PIP4K2A: variants seen among roughly 807,000 people sequenced by gnomAD.
PIP4K2A encodes the protein phosphatidylinositol 5-phosphate 4-kinase type-2 alpha.
Under a neutral mutation model 42.9 loss-of-function variants are expected in PIP4K2A, and 14 were observed. The observed-to-expected ratio is 0.33, with a 90% CI of 0.22 to 0.51. The LOEUF (loss-of-function observed/expected upper bound fraction) is 0.51, where lower values mean the gene tolerates loss of function less well. Among genes scored for constraint, PIP4K2A ranks in the 20% least tolerant of loss-of-function variants. The pLI, the probability that PIP4K2A is intolerant of heterozygous loss-of-function variation, is 0.97. For missense variants in PIP4K2A, 434 were observed against 519.8 expected, an observed-to-expected ratio of 0.83 and a Z score of 1.61; for synonymous variants, 192 against 192.2, an observed-to-expected ratio of 1.00 and a Z score of 0.01.
chr10:22,622,959 G>C (rs1228844344), intron 1 of PIP4K2A, among the ~76,000 whole-genome samples: 1 of 152,184 alleles, frequency 6.6e-6, no homozygotes, highest in Non-Finnish European at 1.5e-5. Flanking sequence ...TGGTGTGAGA[G>C]AGCCAGCATC....
intron 1 of PIP4K2A, among the ~76,000 whole-genome samples, chr10:22,701,116 C>T (rs1459962306): frequency 6.6e-6 from 1 of 152,208 alleles, no homozygotes; most frequent in Non-Finnish European, 1.5e-5. Context: ...CACTAACTCT[C>T]CCAGGGCAGT....
intron 5 of PIP4K2A, among the ~76,000 whole-genome samples, chr10:22,572,344 G>C (rs555840823): frequency 6.6e-6 from 1 of 152,304 alleles, no homozygotes; most frequent in South Asian, 2.1e-4. Flanking sequence ...AGCCAGCCGC[G>C]GTGGTTCATG....
chr10:22,539,886 GGAGA>G (rs982297619), intron 9 of PIP4K2A, 81 bp downstream of exon 9: 19 of 699,280 alleles, frequency 2.7e-5, no homozygotes, highest in Admixed American at 6.4e-5. Context: ...AGAGGAGCCA[GGAGA>G]GAGAGAGAGA....
In PIP4K2A at chr10:22,535,149, TAC is replaced by T. The variant is rs1293053725; in HGVS notation, c.*2050_*2051del. 2 of 152,372 alleles carry T rather than the reference TAC, an allele frequency of 1.3e-5. No individual in the cohort carries two copies. Among genetic ancestry groups the T allele is most frequent in the Admixed American group, 1.3e-4 (2 of 15,312 alleles). 9.4% of individuals were successfully genotyped at this position (152,372 alleles called of 1,614,324 possible). A position where few individuals can be genotyped will look rare whatever the true frequency, so the allele number is the denominator to read the frequency against. On this transcript the variant is annotated 3_prime_UTR_variant, in exon 10 of 10. Coordinates refer to ENST00000376573, the MANE Select transcript of PIP4K2A (RefSeq NM_005028.5). ...AGCATTCTGTAAACTTCTAAAAGCA[TAC>T]ACAGATTGGCCCCCAAGGAAACAGT... is the stretch of plus-strand genomic sequence containing the variant.
chr10:22,632,248 C>T lies in PIP4K2A; in HGVS notation c.145-22531G>A, dbSNP rs955912319. ...TGTAAATAAGAGCTTTCTATTATTACGCAGTCATCTTGTATCAGTGTTAGT... is the reference window on the plus strand; with the variant it reads ...TGTAAATAAGAGCTTTCTATTATTATGCAGTCATCTTGTATCAGTGTTAGT... On this transcript the variant is annotated intron_variant, in intron 1 of 9. Transcript: ENST00000376573. 9.2e-5 allele frequency among the ~76,000 whole-genome samples: 14 copies of T among 152,182 alleles called. No homozygotes were observed. The East Asian group carries it at 9.7e-4, about 10-fold the overall frequency.
intron 5 of PIP4K2A, among the ~76,000 whole-genome samples, chr10:22,571,891 G>C (rs891090496): frequency 6.6e-6 from 1 of 152,116 alleles, no homozygotes; most frequent in Non-Finnish European, 1.5e-5. Flanking sequence ...AAGACATTAC[G>C]GAGATTTGCA....
At chr10:22,698,709 A>T (rs1243536619) in intron 1 of PIP4K2A, among the ~76,000 whole-genome samples, 1 of 152,240 alleles carries the variant, frequency 6.6e-6, no homozygotes, top group Non-Finnish European at 1.5e-5. Flanking sequence ...AAGAATACAT[A>T]GTAAGATTAA....
chr10:22,694,641 C>T (rs1839935076), intron 1 of PIP4K2A: 1 of 152,158 alleles, frequency 6.6e-6, no homozygotes, highest in Non-Finnish European at 1.5e-5. Context: ...AATGACCTTA[C>T]TTAATCAGTC....
chr10:22,623,549 A>G (rs1300412985), intron 1 of PIP4K2A, among the ~76,000 whole-genome samples: 1 of 150,860 alleles, frequency 6.6e-6, no homozygotes, highest in East Asian at 1.9e-4. Context: ...TGTGAGCGTC[A>G]TGAGCTGTAT....
At chr10:22,580,228 G>T (rs72816821) in intron 4 of PIP4K2A, among the ~76,000 whole-genome samples, 1,924 of 152,086 alleles carry the variant, frequency 0.013, 36 homozygotes, top group Middle Eastern at 0.065. Context: ...TAGTGTAAAC[G>T]TAAAACACCA....
At chr10:22,676,740 G>A (rs1454623370) in intron 1 of PIP4K2A, among the ~76,000 whole-genome samples, 1 of 152,174 alleles carries the variant, frequency 6.6e-6, no homozygotes, top group African/African-American at 2.4e-5. Flanking sequence ...TCTGGGTGCT[G>A]AGGATACAGA....
chr10:22,579,319 C>T (rs569390049), intron 4 of PIP4K2A, among the ~76,000 whole-genome samples: 9 of 152,106 alleles, frequency 5.9e-5, no homozygotes, highest in Admixed American at 1.3e-4. Flanking sequence ...GGAGCAGAAT[C>T]GTAACCCTAG....
chr10:22,653,063 C>T (rs561342916), intron 1 of PIP4K2A, among the ~76,000 whole-genome samples: 1 of 151,908 alleles, frequency 6.6e-6, no homozygotes, highest in East Asian at 1.9e-4. Context: ...TGCTGCACTC[C>T]GGTCTGGGCA....
At chr10:22,601,164 C>CA (rs1226127427) in intron 3 of PIP4K2A, among the ~76,000 whole-genome samples, 2 of 57,662 alleles carry the variant, frequency 3.5e-5, no homozygotes, top group Non-Finnish European at 3.6e-5. Context: ...AAAAAAAAAA[C>CA]AAACCAGGAA....
intron 3 of PIP4K2A, among the ~76,000 whole-genome samples, chr10:22,598,185 C>G (rs1404053368): frequency 2.0e-5 from 3 of 152,082 alleles, no homozygotes; most frequent in Non-Finnish European, 2.9e-5. Flanking sequence ...TAGTAAGGCT[C>G]TGTGTCTACA....
chr10:22,606,938 T>A (rs1246719199), intron 3 of PIP4K2A, among the ~76,000 whole-genome samples: 2 of 152,258 alleles, frequency 1.3e-5, no homozygotes, highest in African/African-American at 4.8e-5. Flanking sequence ...AATTTATCTA[T>A]TTCATATACA....
intron 3 of PIP4K2A, among the ~76,000 whole-genome samples, chr10:22,607,542 T>C (rs1287049096): frequency 6.6e-6 from 1 of 152,110 alleles, no homozygotes; most frequent in Non-Finnish European, 1.5e-5. Flanking sequence ...CTGAGAGTCC[T>C]AAGTAGCCTC....
chr10:22,675,773 G>A (rs1839546127), intron 1 of PIP4K2A, among the ~76,000 whole-genome samples: 1 of 152,144 alleles, frequency 6.6e-6, no homozygotes, highest in African/African-American at 2.4e-5. Context: ...TCTACATAAT[G>A]CTCAGAGAAG....
intron 1 of PIP4K2A, among the ~76,000 whole-genome samples, chr10:22,663,314 A>T (rs1839243751): frequency 6.6e-6 from 1 of 152,216 alleles, no homozygotes; most frequent in East Asian, 1.9e-4. Context: ...GTATGCCAAG[A>T]ACTGGCATAC....
Sources: gnomAD v4.1 joint callset for allele counts (sites outside exome capture counted in the v4.1 genomes callset) on GRCh38, gnomAD v4.1.1 for gene constraint, MANE v1.5 for transcripts, NCBI Gene and HGNC (gene_info 2026-07-23, HGNC 2026-07-21) for gene names.